Variants in PRKN observed in about 807,000 individuals in gnomAD.
The protein encoded by PRKN is E3 ubiquitin-protein ligase parkin.
PRKN carries 56 observed loss-of-function variants against 59.5 expected under a neutral mutation model. That is an observed-to-expected ratio of 0.94 (90% CI 0.76 to 1.18). The LOEUF is 1.18. PRKN is among the 50% of genes most tolerant of loss of function. The pLI is 0.00. For synonymous variants in PRKN, 250 were observed against 222.1 expected, an observed-to-expected ratio of 1.13 and a Z score of -1.12; for missense variants, 657 against 596.4, an observed-to-expected ratio of 1.10 and a Z score of -1.06.
intron 6 of PRKN, among the ~76,000 whole-genome samples, chr6:161,852,322 G>T (rs372698290): frequency 6.6e-6 from 1 of 151,976 alleles, no homozygotes; most frequent in East Asian, 1.9e-4. Context: ...AGGTGGTGGT[G>T]CAAGCCTATA....
rs537073218 is a variant in PRKN, at chr6:162,308,844, T to G, written c.172-46079A>C. Reference sequence around the variant, plus strand: ...GCTTGACCTTTTTTACTTATGTACATGAGAAAAACCGTGGGTCCTAATCAG... The same window carrying G: ...GCTTGACCTTTTTTACTTATGTACAGGAGAAAAACCGTGGGTCCTAATCAG... On this transcript the variant is annotated intron_variant, in intron 2 of 11. Coordinates refer to ENST00000366898, the MANE Select transcript of PRKN (RefSeq NM_004562.3). Among the ~76,000 whole-genome samples, 25 of 152,246 alleles carry G rather than the reference T, an allele frequency of 1.6e-4. No individual in the cohort carries two copies. In the East Asian group the frequency reaches 4.5e-3, roughly 27 times the overall value.
intron 1 of PRKN, among the ~76,000 whole-genome samples, chr6:162,605,222 G>T (rs1411564770): frequency 1.3e-5 from 2 of 151,898 alleles, no homozygotes; most frequent in Non-Finnish European, 2.9e-5. Context: ...GAAAGCTCCA[G>T]TAAGAATAGA....
At chr6:161,820,321 G>A (rs1331295029) in intron 6 of PRKN, among the ~76,000 whole-genome samples, 1 of 151,614 alleles carries the variant, frequency 6.6e-6, no homozygotes, top group Non-Finnish European at 1.5e-5. Flanking sequence ...CATATCAAGA[G>A]TTTTAAAAAG....
intron 7 of PRKN, among the ~76,000 whole-genome samples, chr6:161,573,080 G>A (rs952897479): frequency 2.0e-5 from 3 of 152,182 alleles, no homozygotes; most frequent in Non-Finnish European, 2.9e-5. Context: ...TCCCCTGCCA[G>A]TGACGTCCCA....
intron 7 of PRKN, among the ~76,000 whole-genome samples, chr6:161,657,255 C>T (rs542586400): frequency 2.0e-5 from 3 of 152,340 alleles, no homozygotes; most frequent in African/African-American, 7.2e-5. Flanking sequence ...GGCTCTGGAT[C>T]GCCCATGCCG....
intron 7 of PRKN, among the ~76,000 whole-genome samples, chr6:161,573,047 G>A (rs1269153029): frequency 6.6e-6 from 1 of 152,188 alleles, no homozygotes. Flanking sequence ...TGAGAAAAGA[G>A]TGGATAGAAG....
intron 10 of PRKN, among the ~76,000 whole-genome samples, chr6:161,375,903 T>C (rs1414666751): frequency 1.3e-5 from 2 of 152,146 alleles, no homozygotes; most frequent in African/African-American, 2.4e-5. Context: ...TCCAGGGTCA[T>C]GGATTCAAGA....
chr6:161,674,042 T>C (rs1445424108), intron 7 of PRKN, among the ~76,000 whole-genome samples: 1 of 152,000 alleles, frequency 6.6e-6, no homozygotes, highest in Non-Finnish European at 1.5e-5. Context: ...CAGCATATGG[T>C]GAGTATTTAA....
intron 1 of PRKN, among the ~76,000 whole-genome samples, chr6:162,537,482 C>T (rs1778765192): frequency 6.6e-6 from 1 of 152,134 alleles, no homozygotes. Flanking sequence ...TGTCTTCCCA[C>T]TTTAGGCCCA....
intron 6 of PRKN, among the ~76,000 whole-genome samples, chr6:161,802,771 T>G (rs1478078099): frequency 6.6e-6 from 1 of 152,202 alleles, no homozygotes; most frequent in Non-Finnish European, 1.5e-5. Flanking sequence ...TTACTCGCAA[T>G]GCCTCAACCC....
At chr6:161,652,376 C>T (rs1784181488) in intron 7 of PRKN, among the ~76,000 whole-genome samples, 1 of 151,328 alleles carries the variant, frequency 6.6e-6, no homozygotes, top group Admixed American at 6.6e-5. Flanking sequence ...AAATTTAAAG[C>T]CCTTGTGGGG....
intron 6 of PRKN, among the ~76,000 whole-genome samples, chr6:161,952,070 C>T (rs1780010510): frequency 6.6e-6 from 1 of 152,056 alleles, no homozygotes; most frequent in Admixed American, 6.6e-5. Flanking sequence ...TTTGATTGTG[C>T]TAAGTTAAAA....
chr6:161,746,566 T>C (rs1371375155), intron 7 of PRKN, among the ~76,000 whole-genome samples: 1 of 144,158 alleles, frequency 6.9e-6, no homozygotes, highest in Non-Finnish European at 1.5e-5. Context: ...TTTATATATA[T>C]ATATTTATAT....
intron 7 of PRKN, among the ~76,000 whole-genome samples, chr6:161,636,299 C>T (rs1370862045): frequency 6.6e-6 from 1 of 152,226 alleles, no homozygotes; most frequent in Non-Finnish European, 1.5e-5. Flanking sequence ...GATTTGTGGG[C>T]AGGAGGCTCA....
In PRKN at chr6:161,569,541, A is replaced by G. The variant is rs1401647171; in HGVS notation, c.872-125T>C. On this transcript the variant is annotated intron_variant, in intron 7 of 11. Transcript: ENST00000366898. ...TTGGGAGGACACAGACGTGTACCTGAAAAACACACATCTAACCAACCACAA... is the reference window on the plus strand; with the variant it reads ...TTGGGAGGACACAGACGTGTACCTGGAAAACACACATCTAACCAACCACAA... 3 of 806,612 alleles carry G rather than the reference A, an allele frequency of 3.7e-6. No individual in the cohort carries two copies. The East Asian group carries it at 7.9e-5, about 21-fold the overall frequency. The allele number at this position is 806,612 out of a possible 1,614,324, so 50.0% of individuals were successfully genotyped here. A position where few individuals can be genotyped will look rare whatever the true frequency, so the allele number is the denominator to read the frequency against.
chr6:161,624,444 A>C (rs1360436785), intron 7 of PRKN, among the ~76,000 whole-genome samples: 1 of 152,250 alleles, frequency 6.6e-6, no homozygotes, highest in African/African-American at 2.4e-5. Context: ...TCTCATTGCC[A>C]AATGAATATA....
intron 9 of PRKN, among the ~76,000 whole-genome samples, chr6:161,465,077 A>G (rs1407797755): frequency 1.3e-5 from 2 of 152,204 alleles, no homozygotes; most frequent in Non-Finnish European, 2.9e-5. Context: ...TGACTCTTGC[A>G]GCTTGGAGTA....
chr6:162,291,934 T>C (rs1463792711), intron 2 of PRKN, among the ~76,000 whole-genome samples: 1 of 150,958 alleles, frequency 6.6e-6, no homozygotes, highest in Non-Finnish European at 1.5e-5. Context: ...TCATAGTATC[T>C]TCCTAGTTAT....
chr6:162,340,002 GAAGGCCGC>G (rs1784096289), intron 2 of PRKN, among the ~76,000 whole-genome samples: 1 of 147,350 alleles, frequency 6.8e-6, no homozygotes, highest in Non-Finnish European at 1.5e-5. Flanking sequence ...AAACACTGCG[GAAGGCCGC>G]AGGGTCCTCT....
Sources: allele counts gnomAD v4.1 joint callset (sites outside exome capture counted in the v4.1 genomes callset), GRCh38; gene constraint gnomAD v4.1.1; transcripts MANE v1.5; gene names NCBI Gene and HGNC (gene_info 2026-07-23, HGNC 2026-07-21).